Variants in CPO observed in about 807,000 individuals in gnomAD.
The protein encoded by CPO is carboxypeptidase O.
In CPO, 43 loss-of-function variants were observed where a neutral mutation model predicts 41.2. The ratio of observed to expected loss-of-function variants is 1.04; its 90% confidence interval spans 0.82 to 1.35. The LOEUF is 1.35. Among genes scored for constraint, CPO ranks in the 40% most tolerant of loss-of-function variants. The pLI is 0.00. For synonymous variants in CPO, 178 were observed against 162.7 expected (o/e 1.09, Z -0.72); for missense variants, 408 against 451.7 (o/e 0.90, Z 0.88).
chr2:206,965,467 C>T (rs1693555779), intron 7 of CPO, among the ~76,000 whole-genome samples: 1 of 152,180 alleles, frequency 6.6e-6, no homozygotes, highest in Non-Finnish European at 1.5e-5. Context: ...TATTATACTA[C>T]ATGATAGACA....
At position 206,949,669 on chromosome 2, in the gene CPO, A is replaced by C. The variant is rs201538450; in HGVS notation, c.121A>C (p.Ser41Arg). 30 of 1,613,510 alleles carry C rather than the reference A, an allele frequency of 1.9e-5. No homozygotes were observed. In the South Asian group the frequency reaches 3.3e-4, roughly 18 times the overall value. The change falls in exon 2 of 9, where the codon AGC becomes CGC. Residue 41 changes from serine to arginine, a missense_variant. Transcript: ENST00000272852. ...TGTGGACAAGTCAGTGAGTCCATGG[A>C]GCCTGGAGACGTATTCCTATAACAT... ...EIVDKSVSPWSLETYSYNIYH... is the reference protein window; with the variant it reads ...EIVDKSVSPWRLETYSYNIYH...
chr2:206,967,712 G>T (rs1377254618), intron 7 of CPO, among the ~76,000 whole-genome samples: 1 of 152,104 alleles, frequency 6.6e-6, no homozygotes, highest in Non-Finnish European at 1.5e-5. Context: ...TGGGAAGGTG[G>T]GTTAGAGTCA....
chr2:206,947,331 G>C (rs1693164587), intron 1 of CPO, among the ~76,000 whole-genome samples: 2 of 152,258 alleles, frequency 1.3e-5, no homozygotes, highest in East Asian at 3.9e-4. Context: ...AATAGTGCTG[G>C]AACAACTAGA....
At chr2:206,944,035 AAGT>A (rs1376936160) in intron 1 of CPO, among the ~76,000 whole-genome samples, 2 of 152,054 alleles carry the variant, frequency 1.3e-5, no homozygotes, top group Non-Finnish European at 2.9e-5. Context: ...TTATTGTCTT[AAGT>A]AGATTTTTAA....
rs191021467 is a variant in CPO at position 206,963,081 on chromosome 2, C to T, written c.777+467C>T. On this transcript the variant is annotated intron_variant, in intron 7 of 8. Transcript: ENST00000272852. ...ACACAATGCTCTATTTTCTTCTAAA[C>T]TCTTCCTTCAGTATTTGCCTAGGAT... is the stretch of plus-strand genomic sequence containing the variant. Among the ~76,000 whole-genome samples the T allele has an allele frequency of 2.2e-3, 337 of 152,266 alleles. 2 individuals carry two copies. The highest frequency in any genetic ancestry group is 4.3e-3 in the South Asian group (21 of 4,830).
At position 206,940,371 on chromosome 2, in the gene CPO, C is replaced by T. The variant is rs1357996235; in HGVS notation, c.68+704C>T. Among the ~76,000 whole-genome samples the T allele has an allele frequency of 2.0e-5, 3 of 151,930 alleles. No individual in the cohort carries two copies. In the East Asian group the frequency reaches 5.8e-4, roughly 29 times the overall value. On this transcript the variant is annotated intron_variant, in intron 1 of 8. Coordinates refer to ENST00000272852, the MANE Select transcript of CPO (RefSeq NM_173077.3). ...ATCTTGCTACACATTGCCCAATTAC[C>T]CTCTAGAAAGATTACATCAGTCTAC...
chr2:206,955,428 C>T (rs1693339188), intron 2 of CPO, 35 bp from the exon 3 acceptor site: 2 of 1,220,518 alleles, frequency 1.6e-6, no homozygotes, highest in African/African-American at 3.0e-5. Flanking sequence ...AACAATCTTC[C>T]TACTGATAGC....
intron 2 of CPO, 88 bp downstream of exon 2, chr2:206,949,801 A>T (rs1693216971): frequency 1.3e-6 from 1 of 775,470 alleles, no homozygotes; most frequent in African/African-American, 1.7e-5. Flanking sequence ...ATATCCATGC[A>T]TTAGAGAGGC....
rs756631316 is a variant in CPO at position 206,969,415 on chromosome 2, G to A, written c.1104G>A (p.Val368=). ...CCACTATGCTGCTGGGCCTGCTGGTGTCCTGCATGTCTCTTCTCTAAGTGC... is the reference window on the plus strand; with the variant it reads ...CCACTATGCTGCTGGGCCTGCTGGTATCCTGCATGTCTCTTCTCTAAGTGC... ...TSATMLLGLL[V]SCMSLL The change falls in exon 9 of 9, where the codon GTG becomes GTA. Residue 368 remains valine, a synonymous_variant. Coordinates refer to ENST00000272852, the MANE Select transcript of CPO (RefSeq NM_173077.3). 3.1e-6 allele frequency: 5 copies of A among 1,614,034 alleles called. No individual in the cohort carries two copies. In the South Asian group the frequency reaches 4.4e-5, roughly 14 times the overall value.
intron 3 of CPO, among the ~76,000 whole-genome samples, chr2:206,956,117 T>C (rs1256055559): frequency 6.6e-6 from 1 of 152,110 alleles, no homozygotes; most frequent in African/African-American, 2.4e-5. Context: ...GCATGCAACA[T>C]GACCAAAAGT....
At chr2:206,959,776 A>T (rs769415564) in intron 5 of CPO, 35 bp downstream of exon 5, 1 of 930,902 alleles carries the variant, frequency 1.1e-6, no homozygotes. Context: ...GGATGAGTTC[A>T]TGAACTAAAG....
intron 3 of CPO, among the ~76,000 whole-genome samples, chr2:206,957,255 A>G (rs1241563752): frequency 1.3e-5 from 2 of 152,070 alleles, no homozygotes; most frequent in African/African-American, 4.8e-5. Flanking sequence ...ATGTGCCTGT[A>G]GTCCCAGCTA....
chr2:206,960,892 G>T lies in CPO; in HGVS notation c.524G>T (p.Gly175Val), dbSNP rs1693466119. The change falls in exon 6 of 9, where the codon GGC becomes GTC. Residue 175 changes from glycine to valine, a missense_variant. Coordinates refer to ENST00000272852, the MANE Select transcript of CPO (RefSeq NM_173077.3). ...WRKSRSPHNN[G>V]TCFGTDLNRN... ...AAATCCCGTTCACCCCATAATAATG[G>T]CACATGTTTTGGGACGGATCTCAAT... 1.2e-6 allele frequency: 2 copies of T among 1,613,782 alleles called. No homozygotes were observed. The highest frequency in any genetic ancestry group is 1.1e-5 in the South Asian group (1 of 91,068).
chr2:206,940,886 C>T (rs1199615058), intron 1 of CPO, among the ~76,000 whole-genome samples: 1 of 152,120 alleles, frequency 6.6e-6, no homozygotes, highest in Non-Finnish European at 1.5e-5. Flanking sequence ...CAGATACTTA[C>T]AGAGTCCAGG....
At chr2:206,961,354 T>C (rs571299096) in intron 6 of CPO, among the ~76,000 whole-genome samples, 1 of 152,198 alleles carries the variant, frequency 6.6e-6, no homozygotes, top group South Asian at 2.1e-4. Flanking sequence ...AATCTCAATA[T>C]GCCCAGTGAA....
intron 4 of CPO, among the ~76,000 whole-genome samples, chr2:206,959,359 A>G (rs1461848620): frequency 6.6e-6 from 1 of 152,164 alleles, no homozygotes; most frequent in African/African-American, 2.4e-5. Flanking sequence ...AACCTAGTAA[A>G]TTAGAAATGT....
At chr2:206,954,242 C>T (rs1693317899) in intron 2 of CPO, among the ~76,000 whole-genome samples, 1 of 152,176 alleles carries the variant, frequency 6.6e-6, no homozygotes, top group Non-Finnish European at 1.5e-5. Context: ...ATCGCATTGT[C>T]AGGCTGCAAA....
chr2:206,969,229 A>G lies in CPO; in HGVS notation c.918A>G (p.Ser306=). ...DWARDIGIPF[S]YTFELRDSGT... is the part of the protein sequence containing the mutation. ...CCCGAGACATTGGGATTCCCTTCTC[A>G]TATACGTTTGAGCTGAGGGACAGTG... The change falls in exon 9 of 9, where the codon TCA becomes TCG. Residue 306 remains serine, a synonymous_variant. Coordinates refer to ENST00000272852, the MANE Select transcript of CPO (RefSeq NM_173077.3). 3.7e-6 allele frequency: 6 copies of G among 1,614,160 alleles called. No individual in the cohort carries two copies. The highest frequency in any genetic ancestry group is 5.1e-6 in the Non-Finnish European group (6 of 1,179,994).
chr2:206,943,670 TAGATGATA>T (rs1344700131), intron 1 of CPO, among the ~76,000 whole-genome samples: 6 of 125,730 alleles, frequency 4.8e-5, no homozygotes, highest in African/African-American at 1.2e-4. Context: ...TGAAGATAGA[TAGATGATA>T]GATAGATAGA....
Sources: allele counts gnomAD v4.1 joint callset (sites outside exome capture counted in the v4.1 genomes callset), GRCh38; gene constraint gnomAD v4.1.1; transcripts MANE v1.5; gene names NCBI Gene and HGNC (gene_info 2026-07-23, HGNC 2026-07-21).